SLC7A1: variants seen among roughly 807,000 people sequenced by gnomAD.
SLC7A1 encodes the protein high affinity cationic amino acid transporter 1.
Under a neutral mutation model 53.9 loss-of-function variants are expected in SLC7A1, and 10 were observed. The ratio of observed to expected loss-of-function variants is 0.19; its 90% confidence interval spans 0.11 to 0.31. The LOEUF (loss-of-function observed/expected upper bound fraction) is 0.31, where lower values mean the gene tolerates loss of function less well. Ranked by LOEUF, SLC7A1 falls within the 10% of genes least tolerant of loss-of-function variation. The pLI, the probability that SLC7A1 is intolerant of heterozygous loss-of-function variation, is 1.00. For synonymous variants in SLC7A1, 342 were observed against 338.7 expected, an observed-to-expected ratio of 1.01 and a Z score of -0.11; for missense variants, 525 against 827.2, an observed-to-expected ratio of 0.63 and a Z score of 4.48.
chr13:29,577,660 C>T (rs1017082755), intron 1 of SLC7A1, among the ~76,000 whole-genome samples: 8 of 152,206 alleles, frequency 5.3e-5, no homozygotes, highest in Non-Finnish European at 1.0e-4. Context: ...CTCTTGGCCA[C>T]CAAGTTGTCC....
At chr13:29,575,941 A>G (rs1329205688) in intron 1 of SLC7A1, among the ~76,000 whole-genome samples, 1 of 152,142 alleles carries the variant, frequency 6.6e-6, no homozygotes, top group Non-Finnish European at 1.5e-5. Context: ...AATGTTGCCT[A>G]GTGCTCACAT....
intron 1 of SLC7A1, among the ~76,000 whole-genome samples, chr13:29,561,230 G>GA (rs1381485483): frequency 1.3e-5 from 2 of 152,186 alleles, no homozygotes; most frequent in African/African-American, 4.8e-5. Context: ...GTAACTGCAT[G>GA]AAACAAGGAG....
At chr13:29,533,465 G>A (rs1869267311) in intron 3 of SLC7A1, among the ~76,000 whole-genome samples, 1 of 152,188 alleles carries the variant, frequency 6.6e-6, no homozygotes, top group Non-Finnish European at 1.5e-5. Flanking sequence ...CAGAGATGAT[G>A]GTGCCTGCAC....
intron 3 of SLC7A1, among the ~76,000 whole-genome samples, chr13:29,535,298 G>T (rs1310861462): frequency 6.6e-6 from 1 of 152,114 alleles, no homozygotes; most frequent in Non-Finnish European, 1.5e-5. Flanking sequence ...ATGTTACTGT[G>T]GAAAAATAGC....
rs561915856 is a variant in SLC7A1 at position 29,513,849 on chromosome 13, C to G, written c.*631G>C. 6.6e-6 allele frequency: 1 copy of G among 152,670 alleles called. No individual in the cohort carries two copies. The highest frequency in any genetic ancestry group is 2.1e-4 in the South Asian group (1 of 4,836). The allele number at this position is 152,670 out of a possible 1,614,324, so 9.5% of individuals were successfully genotyped here. On this transcript the variant is annotated 3_prime_UTR_variant, in exon 13 of 13. Coordinates refer to ENST00000380752, the MANE Select transcript of SLC7A1 (RefSeq NM_003045.5). ...GCTGCCCTCAGCCCCGGGCAGCTGT[C>G]ATGGTGTCAGAGCAAAGCCCTGAGA...
chr13:29,516,365 G>A, intron 11 of SLC7A1, 119 bp from the exon 12 acceptor site: 1 of 666,172 alleles, frequency 1.5e-6, no homozygotes, highest in Non-Finnish European at 2.7e-6. Context: ...GCGAGTGTGG[G>A]GAAGAGAGAG....
At chr13:29,576,112 GCT>G (rs1871397492) in intron 1 of SLC7A1, among the ~76,000 whole-genome samples, 1 of 151,760 alleles carries the variant, frequency 6.6e-6, no homozygotes, top group Non-Finnish European at 1.5e-5. Context: ...ACATAGCAAA[GCT>G]CTGTCTCTAC....
intron 8 of SLC7A1, among the ~76,000 whole-genome samples, chr13:29,521,591 G>A (rs987058374): frequency 7.2e-5 from 11 of 152,170 alleles, no homozygotes; most frequent in African/African-American, 2.2e-4. Context: ...AGGGGCGGGC[G>A]TCTGCCTCTC....
At chr13:29,522,582 C>CACCCAGCGTGGAGGGA in intron 7 of SLC7A1, 126 bp from the exon 8 acceptor site, 2 of 957,532 alleles carry the variant, frequency 2.1e-6, no homozygotes, top group Non-Finnish European at 3.2e-6. Context: ...TGCCGTCCCT[C>CACCCAGCGTGGAGGGA]CACGCTGGGT....
chr13:29,531,947 AAACAACAATATATTGTTT>A (rs1228192970), intron 4 of SLC7A1, among the ~76,000 whole-genome samples: 4 of 152,256 alleles, frequency 2.6e-5, no homozygotes. Flanking sequence ...ACACCTCAAC[AAACAACAATATATTGTTT>A]CTTTAGTGTC....
chr13:29,521,266 G>C (rs562704131), intron 8 of SLC7A1, among the ~76,000 whole-genome samples: 2 of 152,274 alleles, frequency 1.3e-5, no homozygotes, highest in South Asian at 4.1e-4. Context: ...TTTGCTAAAG[G>C]CATAAATGCT....
intron 3 of SLC7A1, among the ~76,000 whole-genome samples, chr13:29,533,718 C>T (rs995825350): frequency 2.0e-5 from 3 of 152,186 alleles, no homozygotes; most frequent in African/African-American, 7.2e-5. Flanking sequence ...AACAGGGCAG[C>T]ACTCAAAATG....
chr13:29,559,935 T>C (rs1366029432), intron 1 of SLC7A1, among the ~76,000 whole-genome samples: 1 of 152,122 alleles, frequency 6.6e-6, no homozygotes, highest in African/African-American at 2.4e-5. Context: ...CAGGATGGTC[T>C]CAATCTCCTG....
At chr13:29,551,517 C>A (rs2139132579) in intron 2 of SLC7A1, among the ~76,000 whole-genome samples, 1 of 152,282 alleles carries the variant, frequency 6.6e-6, no homozygotes, top group Non-Finnish European at 1.5e-5. Flanking sequence ...CCAAGGGCTT[C>A]CCCTCACACC....
chr13:29,542,284 A>G (rs1360503411), intron 2 of SLC7A1, among the ~76,000 whole-genome samples: 1 of 152,106 alleles, frequency 6.6e-6, no homozygotes, highest in African/African-American at 2.4e-5. Flanking sequence ...GTGAAACACC[A>G]TCTCTACTAA....
At chr13:29,593,519 ATTTG>A (rs1029173862) in intron 1 of SLC7A1, among the ~76,000 whole-genome samples, 62 of 152,214 alleles carry the variant, frequency 4.1e-4, no homozygotes, top group Non-Finnish European at 8.8e-5. Flanking sequence ...CACATTTCAA[ATTTG>A]TCCCTAGGAT....
At chr13:29,545,956 G>A (rs962582014) in intron 2 of SLC7A1, among the ~76,000 whole-genome samples, 17 of 152,214 alleles carry the variant, frequency 1.1e-4, no homozygotes, top group Non-Finnish European at 1.9e-4. Context: ...ATCATCACTC[G>A]GGAGGGCGGT....
chr13:29,552,063 C>G (rs1485790204), intron 2 of SLC7A1, among the ~76,000 whole-genome samples: 1 of 152,120 alleles, frequency 6.6e-6, no homozygotes, highest in East Asian at 1.9e-4. Context: ...CTGGCTATAT[C>G]CCCCAGAAGT....
At chr13:29,576,078 A>G (rs1006112651) in intron 1 of SLC7A1, among the ~76,000 whole-genome samples, 1 of 152,122 alleles carries the variant, frequency 6.6e-6, no homozygotes, top group Non-Finnish European at 1.5e-5. Context: ...CCTTGAGGCC[A>G]GGAGTTTGAG....
Sources: allele counts gnomAD v4.1 joint callset (sites outside exome capture counted in the v4.1 genomes callset), GRCh38; gene constraint gnomAD v4.1.1; transcripts MANE v1.5; gene names NCBI Gene and HGNC (gene_info 2026-07-23, HGNC 2026-07-21).